Variants in PRKG1 observed in about 807,000 individuals in gnomAD.
PRKG1 encodes protein kinase cGMP-dependent 1.
Under a neutral mutation model 88.1 loss-of-function variants are expected in PRKG1, and 35 were observed. The ratio of observed to expected loss-of-function variants is 0.40; its 90% confidence interval spans 0.30 to 0.53. PRKG1 has a LOEUF of 0.53. PRKG1 is among the 20% of genes least tolerant of loss of function. The pLI, the probability that PRKG1 is intolerant of heterozygous loss-of-function variation, is 0.59. For missense variants in PRKG1, 540 were observed against 839.8 expected (o/e 0.64, Z 4.41); for synonymous variants, 303 against 292.5 (o/e 1.04, Z -0.37).
intron 2 of PRKG1, among the ~76,000 whole-genome samples, chr10:51,378,931 G>A (rs1346532639): frequency 6.6e-6 from 1 of 152,162 alleles, no homozygotes; most frequent in African/African-American, 2.4e-5. Context: ...AATAGTAAAT[G>A]TAAGCCACAG....
chr10:51,670,209 T>C (rs1304370179), intron 3 of PRKG1, among the ~76,000 whole-genome samples: 1 of 152,050 alleles, frequency 6.6e-6, no homozygotes, highest in Non-Finnish European at 1.5e-5. Context: ...TTGGCCTATA[T>C]TTTTTATCCA....
intron 5 of PRKG1, among the ~76,000 whole-genome samples, chr10:52,019,332 C>G (rs1190147375): frequency 6.6e-6 from 1 of 152,124 alleles, no homozygotes; most frequent in Non-Finnish European, 1.5e-5. Flanking sequence ...CTTACAGAGA[C>G]TAGGAGATGG....
At chr10:51,942,272 G>A (rs1324693803) in intron 5 of PRKG1, among the ~76,000 whole-genome samples, 5 of 151,828 alleles carry the variant, frequency 3.3e-5, no homozygotes, top group Non-Finnish European at 4.4e-5. Context: ...GTCTGTTCAT[G>A]TCCTTCACCC....
chr10:51,859,506 C>A (rs1453533719), intron 4 of PRKG1, among the ~76,000 whole-genome samples: 1 of 150,086 alleles, frequency 6.7e-6, no homozygotes, highest in Non-Finnish European at 1.5e-5. Flanking sequence ...TGATCCTGAC[C>A]ACATCAAAAA....
intron 5 of PRKG1, among the ~76,000 whole-genome samples, chr10:51,980,294 G>T (rs1460922787): frequency 2.0e-5 from 3 of 152,028 alleles, no homozygotes; most frequent in Non-Finnish European, 4.4e-5. Context: ...TGGTTTTGAA[G>T]AATTTTCTTA....
At chr10:52,227,685 C>A (rs1840422432) in intron 9 of PRKG1, among the ~76,000 whole-genome samples, 1 of 152,054 alleles carries the variant, frequency 6.6e-6, no homozygotes, top group Non-Finnish European at 1.5e-5. Context: ...GAACCCACTG[C>A]ATTTAGTAAA....
intron 3 of PRKG1, among the ~76,000 whole-genome samples, chr10:51,547,087 G>A (rs1842459978): frequency 6.6e-6 from 1 of 151,996 alleles, no homozygotes; most frequent in Non-Finnish European, 1.5e-5. Flanking sequence ...CTGAAAACAA[G>A]AGCCTCATCA....
intron 5 of PRKG1, among the ~76,000 whole-genome samples, chr10:52,050,269 A>G (rs1845959272): frequency 6.6e-6 from 1 of 152,100 alleles, no homozygotes; most frequent in African/African-American, 2.4e-5. Flanking sequence ...GTTGGATACT[A>G]TGGCATTGAG....
intron 3 of PRKG1, among the ~76,000 whole-genome samples, chr10:51,687,850 T>C (rs940504577): frequency 6.6e-6 from 1 of 152,230 alleles, no homozygotes; most frequent in Non-Finnish European, 1.5e-5. Context: ...TTCAGGTGTC[T>C]TCCCCAAACA....
chr10:52,233,557 G>C (rs1245115440), intron 9 of PRKG1, among the ~76,000 whole-genome samples: 1 of 147,404 alleles, frequency 6.8e-6, no homozygotes, highest in Non-Finnish European at 1.5e-5. Context: ...GGTGACGGAC[G>C]CACCTGGAAA....
At chr10:51,260,180 C>G (rs1839667565) in intron 2 of PRKG1, among the ~76,000 whole-genome samples, 1 of 152,104 alleles carries the variant, frequency 6.6e-6, no homozygotes, top group South Asian at 2.1e-4. Context: ...CAGCTCCATA[C>G]TTCAATTAAA....
intron 1 of PRKG1, among the ~76,000 whole-genome samples, chr10:51,096,591 C>T (rs1162331264): frequency 1.3e-5 from 2 of 152,158 alleles, no homozygotes; most frequent in Non-Finnish European, 1.5e-5. Context: ...TGGAAGTACA[C>T]CTCCCAGTTG....
At chr10:51,071,427 A>T (rs1453611705), upstream of PRKG1, among the ~76,000 whole-genome samples, 2 of 152,234 alleles carry the variant, frequency 1.3e-5, no homozygotes, top group Non-Finnish European at 2.9e-5. Flanking sequence ...ACACAGCCTG[A>T]GATAACTAAA....
chr10:52,282,098 A>G, intron 13 of PRKG1, 55 bp from the exon 14 acceptor site: 1 of 1,433,012 alleles, frequency 7.0e-7, no homozygotes, highest in South Asian at 1.5e-5. Flanking sequence ...ATAACTTATT[A>G]CTTTAAAACT....
chr10:52,073,983 T>G (rs190788398), intron 7 of PRKG1, among the ~76,000 whole-genome samples: 1 of 152,332 alleles, frequency 6.6e-6, no homozygotes, highest in East Asian at 1.9e-4. Flanking sequence ...TCCTCTGAAC[T>G]TCTCTGAACA....
At chr10:52,210,506 A>G (rs977364029) in intron 9 of PRKG1, among the ~76,000 whole-genome samples, 6 of 152,128 alleles carry the variant, frequency 3.9e-5, no homozygotes, top group Non-Finnish European at 8.8e-5. Flanking sequence ...TTTTATAACA[A>G]TTCTCACGGT....
intron 2 of PRKG1, among the ~76,000 whole-genome samples, chr10:51,209,933 G>A (rs925644451): frequency 6.6e-6 from 1 of 152,046 alleles, no homozygotes; most frequent in Non-Finnish European, 1.5e-5. Flanking sequence ...TGAGAGCAGT[G>A]GAAGTGTGTT....
chr10:51,230,041 C>T (rs942091297), intron 2 of PRKG1, among the ~76,000 whole-genome samples: 1 of 151,554 alleles, frequency 6.6e-6, no homozygotes, highest in Non-Finnish European at 1.5e-5. Flanking sequence ...CTTGTAAGTG[C>T]TATTTTTCAA....
rs1842370928 is a variant in PRKG1, at chr10:52,295,861, C to T, written c.*1961C>T. Reference sequence around the variant, plus strand: ...AAAAGGGTATAAACTTCAATTAGAACTTTAATCCTAAAATATTGTTATTCT... The same window carrying T: ...AAAAGGGTATAAACTTCAATTAGAATTTTAATCCTAAAATATTGTTATTCT... On this transcript the variant is annotated 3_prime_UTR_variant, in exon 18 of 18. Transcript: ENST00000373980. 3 of 151,870 alleles carry T rather than the reference C, an allele frequency of 2.0e-5. No homozygotes were observed. Among genetic ancestry groups the T allele is most frequent in the Non-Finnish European group, 4.4e-5 (3 of 67,870 alleles). 9.4% of individuals were successfully genotyped at this position (151,870 alleles called of 1,614,324 possible). A position where few individuals can be genotyped will look rare whatever the true frequency, so the allele number is the denominator to read the frequency against.
Sources: allele counts gnomAD v4.1 joint callset (sites outside exome capture counted in the v4.1 genomes callset), GRCh38; gene constraint gnomAD v4.1.1; transcripts MANE v1.5; gene names NCBI Gene and HGNC (gene_info 2026-07-23, HGNC 2026-07-21).